The following BRCA1 variants were observed in gnomAD, a reference collection of about 807,000 sequenced individuals.
BRCA1 encodes BRCA1 DNA repair associated.
In BRCA1, 140 loss-of-function variants were observed where a neutral mutation model predicts 173.7. The observed-to-expected ratio is 0.81, with a 90% CI of 0.70 to 0.93. The LOEUF (loss-of-function observed/expected upper bound fraction) is 0.93. Among genes scored for constraint, BRCA1 ranks in the 40% least tolerant of loss-of-function variants. BRCA1 has a pLI of 0.00. For synonymous variants in BRCA1, 662 were observed against 756.0 expected, an observed-to-expected ratio of 0.88 and a Z score of 2.04; for missense variants, 1,983 against 2,172.5, an observed-to-expected ratio of 0.91 and a Z score of 1.73.
chr17:43,105,415 T>C (rs2054718776), intron 4 of BRCA1, among the ~76,000 whole-genome samples: 1 of 152,052 alleles, frequency 6.6e-6, no homozygotes, highest in Non-Finnish European at 1.5e-5. Context: ...ATTTATTTAT[T>C]TTGTTGGTAG....
intron 11 of BRCA1, among the ~76,000 whole-genome samples, chr17:43,086,381 A>G (rs938465952): frequency 6.6e-6 from 1 of 152,172 alleles, no homozygotes. Flanking sequence ...TTCTGTAAAA[A>G]CAAACAAAAA....
At position 43,071,216 on chromosome 17, in the gene BRCA1, A is replaced by G. The variant is rs1246456207; in HGVS notation, c.4698T>C (p.Ser1566=). 1.9e-6 allele frequency: 3 copies of G among 1,614,194 alleles called. No homozygotes were observed. The South Asian group carries it at 3.3e-5, about 18-fold the overall frequency. Reference sequence around the variant, plus strand: ...GGTCATCAGAGAAGAGGCTGATTCCAGATTCCAGGTAAGGGGTTCCCTCTG... The same window carrying G: ...GGTCATCAGAGAAGAGGCTGATTCCGGATTCCAGGTAAGGGGTTCCCTCTG... ...QDLEGTPYLE[S]GISLFSDDPE... is the part of the protein sequence containing the mutation. The change falls in exon 15 of 23, where the codon TCT becomes TCC. Residue 1566 remains serine, a synonymous_variant. Transcript: ENST00000357654.
chr17:43,129,725 C>T (rs1323695665), upstream of BRCA1, among the ~76,000 whole-genome samples: 3 of 152,144 alleles, frequency 2.0e-5, no homozygotes, highest in Non-Finnish European at 4.4e-5. Flanking sequence ...CTGCCTTCCT[C>T]GGCCTCCCAA....
chr17:43,164,876 C>T (rs1421032478), intron 1 of BRCA1: 1 of 152,096 alleles, frequency 6.6e-6, no homozygotes, highest in African/African-American at 2.4e-5. Context: ...GGAAAATAAA[C>T]CAAGCATATA....
intron 3 of BRCA1, among the ~76,000 whole-genome samples, chr17:43,106,943 G>C (rs2054817841): frequency 6.6e-6 from 1 of 152,098 alleles, no homozygotes; most frequent in Non-Finnish European, 1.5e-5. Context: ...AATCAAGAAA[G>C]TGTGGTAATA....
intron 1 of BRCA1, chr17:43,131,378 C>A: frequency 2.9e-6 from 1 of 349,062 alleles, no homozygotes; most frequent in Non-Finnish European, 6.2e-6. Flanking sequence ...ATTTGTGTCT[C>A]AAAATAATAA....
intron 1 of BRCA1, among the ~76,000 whole-genome samples, chr17:43,155,876 A>G (rs2056193850): frequency 6.6e-6 from 1 of 152,208 alleles, no homozygotes; most frequent in Non-Finnish European, 1.5e-5. Flanking sequence ...GCAGGACATC[A>G]AAGAACAAGT....
chr17:43,067,820 G>C (rs943168597), intron 15 of BRCA1, 125 bp from the exon 16 acceptor site: 2 of 556,898 alleles, frequency 3.6e-6, no homozygotes, highest in South Asian at 1.9e-5. Flanking sequence ...ACGTGTCCTG[G>C]AACTATTTAA....
chr17:43,144,541 G>A (rs1053628365), intron 1 of BRCA1, among the ~76,000 whole-genome samples: 1 of 152,172 alleles, frequency 6.6e-6, no homozygotes, highest in Non-Finnish European at 1.5e-5. Flanking sequence ...GGGAAACAAG[G>A]CAGGGAAAGA....
intron 3 of BRCA1, among the ~76,000 whole-genome samples, chr17:43,107,060 C>A (rs2154556340): frequency 7.6e-6 from 1 of 131,804 alleles, no homozygotes. Context: ...AATACCAAGA[C>A]AATTTTTTTT....
intron 19 of BRCA1, 41 bp downstream of exon 19, chr17:43,057,011 G>T: frequency 6.3e-7 from 1 of 1,577,370 alleles, no homozygotes; most frequent in Non-Finnish European, 8.7e-7. Context: ...ATACAGAGTG[G>T]TGGGGTGAGA....
rs876659270 is a variant in BRCA1, at chr17:43,092,564, A to G, written c.2967T>C (p.Phe989=). The change falls in exon 10 of 23, where the codon TTT becomes TTC. Residue 989 remains phenylalanine, a synonymous_variant. Transcript: ENST00000357654. Reference sequence around the variant, plus strand: ...GATTTTTCTTACATTTAGTTTTAACAAATGACTTGATGGGAAAAAGTGGTG... The same window carrying G: ...GATTTTTCTTACATTTAGTTTTAACGAATGACTTGATGGGAAAAAGTGGTG... ...RIPPLFPIKS[F]VKTKCKKNLL... is the part of the protein sequence containing the mutation. 3 of 1,614,118 alleles carry G rather than the reference A, an allele frequency of 1.9e-6. No homozygotes were observed. The South Asian group carries it at 3.3e-5, about 18-fold the overall frequency.
intron 3 of BRCA1, among the ~76,000 whole-genome samples, chr17:43,114,256 T>C (rs1374481609): frequency 1.3e-5 from 2 of 152,130 alleles, no homozygotes; most frequent in Non-Finnish European, 2.9e-5. Flanking sequence ...AATAATAGTA[T>C]AGTATGTTCA....
chr17:43,131,653 G>A (rs1384612741), intron 1 of BRCA1, among the ~76,000 whole-genome samples: 2 of 151,690 alleles, frequency 1.3e-5, no homozygotes, highest in Admixed American at 6.6e-5. Flanking sequence ...CCCAGGAGGC[G>A]GAGCTTGCAG....
intron 2 of BRCA1, among the ~76,000 whole-genome samples, chr17:43,120,569 T>C (rs767468738): frequency 1.4e-5 from 2 of 146,782 alleles, no homozygotes; most frequent in Admixed American, 6.8e-5. Context: ...GTGGAGACCA[T>C]CCTGGCTAAC....
At chr17:43,156,029 G>C (rs562313464) in intron 1 of BRCA1, among the ~76,000 whole-genome samples, 1 of 152,234 alleles carries the variant, frequency 6.6e-6, no homozygotes, top group South Asian at 2.1e-4. Context: ...CTGAGGTCAG[G>C]AGTTTGAGAC....
At chr17:43,104,779 A>G in intron 5 of BRCA1, 89 bp downstream of exon 5, 1 of 1,196,280 alleles carries the variant, frequency 8.4e-7, no homozygotes, top group Non-Finnish European at 1.2e-6. Context: ...AAAAGGTCTT[A>G]TCACCACGTC....
rs1182000313 is a variant in BRCA1, at chr17:43,045,730, C to A, written c.5540G>T (p.Cys1847Phe). Residue 1847 changes from cysteine to phenylalanine, a missense_variant, in exon 23 of 23, where the codon TGC becomes TTC. Cys to Phe is a radical substitution (Grantham distance 205). Transcript: ENST00000357654. ...TATCAGGTAGGTGTCCAGCTCCTGG[C>A]ACTGGTAGAGTGCTACACTGTCCAA... ...WVLDSVALYQ[C>F]QELDTYLIPQ... The A allele has an allele frequency of 6.2e-7, 1 of 1,613,828 alleles. No homozygotes were observed. Among genetic ancestry groups the A allele is most frequent in the Non-Finnish European group, 8.5e-7 (1 of 1,179,952 alleles).
Position 43,142,193 on chromosome 17 carries a change from C to T in BRCA1, c.-19-18078G>A, listed in dbSNP as rs187095295. Among the ~76,000 whole-genome samples, 4 of 152,316 alleles carry T rather than the reference C, an allele frequency of 2.6e-5. No individual in the cohort carries two copies. The East Asian group carries it at 5.8e-4, about 22-fold the overall frequency. The stretch of plus-strand genomic sequence containing the variant: ...CCTCCCAAAGTGCTGGAATTACAGG[C>T]GTGAGCCACTGTGCCCAGCCTAGTC... On this transcript the variant is annotated intron_variant, in intron 1 of 7. Coordinates refer to the BRCA1 transcript ENST00000634433.
Sources: allele counts gnomAD v4.1 joint callset (sites outside exome capture counted in the v4.1 genomes callset), GRCh38; gene constraint gnomAD v4.1.1; transcripts MANE v1.5; gene names NCBI Gene and HGNC (gene_info 2026-07-23, HGNC 2026-07-21).